The following SORL1 variants were observed in gnomAD, a reference collection of about 807,000 sequenced individuals.
The protein encoded by SORL1 is sortilin-related receptor.
A neutral mutation model predicts 273.7 loss-of-function variants in SORL1; 127 were observed. The observed-to-expected ratio is 0.46, with a 90% CI of 0.40 to 0.54. SORL1 has a LOEUF of 0.54. SORL1 is among the 20% of genes least tolerant of loss of function. The pLI, the probability that SORL1 is intolerant of heterozygous loss-of-function variation, is 0.00. For synonymous variants in SORL1, 1,031 were observed against 1,067.4 expected (o/e 0.97, Z 0.66); for missense variants, 2,494 against 2,846.1 (o/e 0.88, Z 2.81).
Position 121,452,481 on chromosome 11 carries a change from G to C in SORL1, c.150G>C (p.Val50=). ...APLPQDRGFL[V]VQGDPRELRL... ...TGCCCCAGGACCGGGGCTTCCTCGT[G>C]GTGCAGGGCGACCCGCGCGAGCTGC... Residue 50 remains valine, a synonymous_variant, in exon 1 of 48, where the codon GTG becomes GTC. Transcript: ENST00000260197. This position sits in a 1 kb window ranked among gnomAD's most constrained non-coding sequence, Gnocchi z 5.3. 1 of 1,490,076 alleles carries C rather than the reference G, an allele frequency of 6.7e-7. No homozygotes were observed. The highest frequency in any genetic ancestry group is 8.9e-7 in the Non-Finnish European group (1 of 1,121,432). 92.3% of individuals were successfully genotyped at this position (1,490,076 alleles called of 1,614,324 possible). A position where few individuals can be genotyped will look rare whatever the true frequency, so the allele number is the denominator to read the frequency against.
chr11:121,575,838 A>T (rs1565341782), intron 24 of SORL1, among the ~76,000 whole-genome samples: 1 of 152,158 alleles, frequency 6.6e-6, no homozygotes, highest in Non-Finnish European at 1.5e-5. Flanking sequence ...TTCTGGTATC[A>T]TTGAGCTCAC....
At chr11:121,593,902 C>T (rs915115649) in intron 31 of SORL1, among the ~76,000 whole-genome samples, 4 of 152,230 alleles carry the variant, frequency 2.6e-5, no homozygotes, top group South Asian at 4.1e-4. Flanking sequence ...CAGTAGAGCA[C>T]GTTTTCTGGA....
chr11:121,558,957 T>C (rs940497354), intron 20 of SORL1, 120 bp downstream of exon 20: 3 of 1,338,078 alleles, frequency 2.2e-6, no homozygotes, highest in Non-Finnish European at 3.0e-6. Flanking sequence ...GTTGCCTTTT[T>C]TCCAAATTTG....
Position 121,595,612 on chromosome 11 carries a change from T to G in SORL1, c.4370-11T>G, listed in dbSNP as rs372007774. The stretch of plus-strand genomic sequence containing the variant: ...TATTAAAAAGTAAATTTTAAAAATC[T>G]TTTATTTTAGCAAACGTCACTGCTG... On this transcript the variant is annotated splice_polypyrimidine_tract_variant and intron_variant, in intron 31 of 47. Transcript: ENST00000260197. The surrounding 1 kb of genome is among the most constrained non-coding windows in gnomAD (Gnocchi z 5.1). The G allele has an allele frequency of 6.4e-7, 1 of 1,556,764 alleles. No homozygotes were observed. The highest frequency in any genetic ancestry group is 1.9e-5 in the Admixed American group (1 of 51,784).
At chr11:121,611,428 T>C (rs1275978889) in intron 39 of SORL1, 1 of 297,732 alleles carries the variant, frequency 3.4e-6, no homozygotes, top group African/African-American at 2.2e-5. Flanking sequence ...ACAGTGCAAA[T>C]AAAGAGTTGG....
At chr11:121,538,163 A>G (rs1862293809) in intron 12 of SORL1, among the ~76,000 whole-genome samples, 2 of 140,998 alleles carry the variant, frequency 1.4e-5, no homozygotes. Flanking sequence ...TTTAACAGCC[A>G]TCTCAAACTG....
chr11:121,456,122 C>T (rs151251331), intron 1 of SORL1, among the ~76,000 whole-genome samples: 4 of 152,296 alleles, frequency 2.6e-5, no homozygotes, highest in Admixed American at 6.5e-5. Context: ...TGTCTGTCTG[C>T]GCCATCATAC....
In SORL1 at chr11:121,554,239, C is replaced by T; in HGVS notation, c.2439+130C>T. The T allele has an allele frequency of 1.4e-6, 1 of 740,222 alleles. No homozygotes were observed. The highest frequency in any genetic ancestry group is 1.9e-5 in the South Asian group (1 of 52,442). The allele number at this position is 740,222 out of a possible 1,614,324, so 45.9% of individuals were successfully genotyped here. A position where few individuals can be genotyped will look rare whatever the true frequency, so the allele number is the denominator to read the frequency against. On this transcript the variant is annotated intron_variant, in intron 17 of 47. Coordinates refer to ENST00000260197, the MANE Select transcript of SORL1 (RefSeq NM_003105.6). This position sits in a 1 kb window ranked among gnomAD's most constrained non-coding sequence, Gnocchi z 4.6. ...TAAGTGTTACTCATCTCAGGGCTGA[C>T]AGGTGAAAGTTTCCAGTCTTCTGTG... is the stretch of plus-strand genomic sequence containing the variant.
intron 8 of SORL1, among the ~76,000 whole-genome samples, chr11:121,517,163 C>A (rs148167080): frequency 1.1e-3 from 170 of 152,332 alleles, no homozygotes; most frequent in African/African-American, 3.6e-3. Context: ...CCACCGCCAC[C>A]TCTGTTTAAT....
At chr11:121,569,010 G>A (rs537936382) in intron 22 of SORL1, among the ~76,000 whole-genome samples, 60 of 152,310 alleles carry the variant, frequency 3.9e-4, no homozygotes, top group African/African-American at 1.3e-3. Context: ...GCAGAAGAAC[G>A]TGGATTGTGA....
rs181878411 is a variant in SORL1, at chr11:121,524,211, C to T, written c.1596+1222C>T. ...TGCTTTCCCCTTTCGTGGAGCTGGA[C>T]GCTCCCTTTGAAATGGGGTATCCTC... is the stretch of plus-strand genomic sequence containing the variant. On this transcript the variant is annotated intron_variant, in intron 11 of 47. Transcript: ENST00000260197. Among the ~76,000 whole-genome samples the T allele has an allele frequency of 1.1e-3, 171 of 152,348 alleles. 1 individual carries two copies. Among genetic ancestry groups the T allele is most frequent in the Non-Finnish European group, 2.0e-3 (139 of 68,032 alleles).
chr11:121,531,790 ACT>A (rs896780367), intron 11 of SORL1, among the ~76,000 whole-genome samples: 9 of 152,074 alleles, frequency 5.9e-5, no homozygotes, highest in South Asian at 2.1e-4. Flanking sequence ...CTTTTTTGAC[ACT>A]CTCTGCTATG....
chr11:121,591,025 C>A lies in SORL1; in HGVS notation c.4238C>A (p.Thr1413Asn). 1 of 1,614,250 alleles carries A rather than the reference C, an allele frequency of 6.2e-7. No homozygotes were observed. Among genetic ancestry groups the A allele is most frequent in the Non-Finnish European group, 8.5e-7 (1 of 1,180,044 alleles). Residue 1413 changes from threonine (T) to asparagine (N), a missense_variant, in exon 31 of 48, where the codon ACT (threonine) becomes AAT (asparagine). Coordinates refer to ENST00000260197, the MANE Select transcript of SORL1 (RefSeq NM_003105.6). ...GATTCACATATTCTTCCCTTCTCGA[C>A]TCCTGGGCCCTCCACGTGTCTGCCC... ...CGDSHILPFS[T>N]PGPSTCLPNY...
chr11:121,595,824 C>CA lies in SORL1; in HGVS notation c.4519+53dup. On this transcript the variant is annotated intron_variant, in intron 32 of 47. Coordinates refer to ENST00000260197, the MANE Select transcript of SORL1 (RefSeq NM_003105.6). This position sits in a 1 kb window ranked among gnomAD's most constrained non-coding sequence, Gnocchi z 5.1. ...CCTGGGCACGTTTCTGCAGAGAGCA[C>CA]AGTTCTGGTGCTTCTGCTTCATTTC... The CA allele has an allele frequency of 1.9e-6, 3 of 1,582,474 alleles. No homozygotes were observed. The highest frequency in any genetic ancestry group is 8.6e-7 in the Non-Finnish European group (1 of 1,163,904).
Position 121,591,142 on chromosome 11 carries a change from C to T in SORL1, c.4355C>T (p.Ala1452Val), listed in dbSNP as rs376254738. Residue 1452 changes from alanine to valine, a missense_variant, in exon 31 of 48, where the codon GCC becomes GTC. Physicochemically the swap from Ala to Val is moderately conservative, Grantham distance 64. Transcript: ENST00000260197. ...RDCADGSDEE[A>V]CPLLANVTAA... The stretch of plus-strand genomic sequence containing the variant: ...TGTGCAGATGGCTCTGACGAGGAAG[C>T]CTGCCCCTTGCTTGGTGAGTTCTGG... 1 of 1,614,014 alleles carries T rather than the reference C, an allele frequency of 6.2e-7. No homozygotes were observed. Among genetic ancestry groups the T allele is most frequent in the Non-Finnish European group, 8.5e-7 (1 of 1,180,034 alleles).
chr11:121,578,162 A>G (rs1862964666), intron 25 of SORL1, among the ~76,000 whole-genome samples: 1 of 152,204 alleles, frequency 6.6e-6, no homozygotes, highest in Admixed American at 6.5e-5. Context: ...AGCCTCCTTG[A>G]GAAGCTGTTA....
intron 1 of SORL1, among the ~76,000 whole-genome samples, chr11:121,463,043 C>G (rs998471792): frequency 1.3e-5 from 2 of 152,108 alleles, no homozygotes; most frequent in Admixed American, 6.5e-5. Context: ...ACAGGGAAAT[C>G]CTCACGTAGG....
intron 24 of SORL1, chr11:121,576,626 C>A: frequency 1.8e-6 from 1 of 565,950 alleles, no homozygotes; most frequent in Non-Finnish European, 3.0e-6. Context: ...TCTTCATGAT[C>A]TCCCCAGGAG....
rs745375493 is a variant in SORL1 at position 121,520,728 on chromosome 11, T to C, written c.1283T>C (p.Leu428Pro). The stretch of plus-strand genomic sequence containing the variant: ...TTGCAAGGAGTCTACATTGCTACTC[T>C]GATTAATGGTTCTATGAATGAGGAG... ...EGLQGVYIAT[L>P]INGSMNEENM... Residue 428 changes from leucine (L) to proline (P), a missense_variant, in exon 9 of 48, where the codon CTG becomes CCG. Leu to Pro is a moderately conservative substitution (Grantham distance 98). Coordinates refer to ENST00000260197, the MANE Select transcript of SORL1 (RefSeq NM_003105.6). The C allele has an allele frequency of 6.2e-7, 1 of 1,612,192 alleles. No homozygotes were observed. Among genetic ancestry groups the C allele is most frequent in the Non-Finnish European group, 8.5e-7 (1 of 1,179,162 alleles).
Sources: gnomAD v4.1 joint callset for allele counts (sites outside exome capture counted in the v4.1 genomes callset) on GRCh38, gnomAD v4.1.1 for gene constraint, Gnocchi (gnomAD v3.1) non-coding constraint, MANE v1.5 for transcripts, NCBI Gene and HGNC (gene_info 2026-07-23, HGNC 2026-07-21) for gene names.